The following C8orf34 variants were observed in gnomAD, a reference collection of about 807,000 sequenced individuals.
C8orf34 encodes uncharacterized protein C8orf34.
C8orf34 carries 65 observed loss-of-function variants against 68.3 expected under a neutral mutation model. That is an observed-to-expected ratio of 0.95 (90% CI 0.78 to 1.17). The LOEUF is 1.17. Among genes scored for constraint, C8orf34 ranks in the 50% most tolerant of loss-of-function variants. The pLI is 0.00. For missense variants in C8orf34, 664 were observed against 655.4 expected (o/e 1.01, Z -0.14); for synonymous variants, 244 against 241.2 (o/e 1.01, Z -0.11).
chr8:68,709,639 T>C (rs542123960), intron 9 of C8orf34, among the ~76,000 whole-genome samples: 3 of 152,318 alleles, frequency 2.0e-5, no homozygotes, highest in Non-Finnish European at 1.5e-5. Context: ...TAATACTGCC[T>C]GGTCTATGTG....
chr8:68,547,388 C>G (rs1225281515), intron 7 of C8orf34, among the ~76,000 whole-genome samples: 1 of 151,638 alleles, frequency 6.6e-6, no homozygotes, highest in Non-Finnish European at 1.5e-5. Context: ...AATTTGTAAG[C>G]AAAATGCTTC....
intron 1 of C8orf34, among the ~76,000 whole-genome samples, chr8:68,414,601 C>T (rs1273598972): frequency 8.0e-6 from 1 of 125,118 alleles, no homozygotes; most frequent in Non-Finnish European, 1.9e-5. Flanking sequence ...ACAGAGATGT[C>T]TAAGACATGC....
At chr8:68,445,539 GACC>G (rs1422646225) in intron 2 of C8orf34, among the ~76,000 whole-genome samples, 2 of 152,108 alleles carry the variant, frequency 1.3e-5, no homozygotes, top group East Asian at 3.9e-4. Flanking sequence ...GCAAGACAGT[GACC>G]ACCTTCTAAG....
chr8:68,694,348 AAG>A (rs1820767603), intron 8 of C8orf34, among the ~76,000 whole-genome samples: 1 of 152,140 alleles, frequency 6.6e-6, no homozygotes, highest in South Asian at 2.1e-4. Context: ...TTGGTTGAAA[AAG>A]AGTGTTTGCT....
At chr8:68,484,082 G>T (rs943216052) in intron 4 of C8orf34, among the ~76,000 whole-genome samples, 4 of 152,230 alleles carry the variant, frequency 2.6e-5, no homozygotes, top group African/African-American at 9.6e-5. Context: ...ATCTGCCTTT[G>T]GGGAGGCCTC....
chr8:68,642,553 C>T (rs1264232863), intron 8 of C8orf34, among the ~76,000 whole-genome samples: 1 of 152,208 alleles, frequency 6.6e-6, no homozygotes. Flanking sequence ...TTACTACTTA[C>T]AGCAATAACA....
rs187472913 is a variant in C8orf34 at position 68,509,513 on chromosome 8, T to A, written c.766-12286T>A. Among the ~76,000 whole-genome samples the A allele has an allele frequency of 9.7e-4, 143 of 147,198 alleles. No individual in the cohort carries two copies. In the East Asian group the frequency reaches 0.025, roughly 26 times the overall value. On this transcript the variant is annotated intron_variant, in intron 5 of 13. Coordinates refer to ENST00000518698, the MANE Select transcript of C8orf34 (RefSeq NM_052958.4). ...GCCAACCAATTTAAGACTTGGGAAA[T>A]TAACTTCTCCCAGTTTGGAGGATGC...
chr8:68,566,156 C>G (rs1816582243), intron 7 of C8orf34, among the ~76,000 whole-genome samples: 1 of 152,118 alleles, frequency 6.6e-6, no homozygotes, highest in Non-Finnish European at 1.5e-5. Context: ...ATATCAAACA[C>G]TTTTTAAAAA....
intron 7 of C8orf34, among the ~76,000 whole-genome samples, chr8:68,585,523 T>C (rs978858425): frequency 1.3e-5 from 2 of 152,190 alleles, no homozygotes; most frequent in Non-Finnish European, 2.9e-5. Context: ...TTATCTATGC[T>C]GCATAACAAA....
chr8:68,468,084 T>C (rs1812225735), intron 3 of C8orf34, among the ~76,000 whole-genome samples: 1 of 152,050 alleles, frequency 6.6e-6, no homozygotes, highest in Admixed American at 6.6e-5. Context: ...GGCATTCCTC[T>C]GTTCAGAGAC....
At chr8:68,459,397 T>C (rs1201876596) in intron 3 of C8orf34, among the ~76,000 whole-genome samples, 1 of 151,858 alleles carries the variant, frequency 6.6e-6, no homozygotes, top group Non-Finnish European at 1.5e-5. Flanking sequence ...GTCCAGCTAA[T>C]TTTTGTATTT....
At chr8:68,711,991 G>T (rs1821341632) in intron 9 of C8orf34, among the ~76,000 whole-genome samples, 1 of 152,156 alleles carries the variant, frequency 6.6e-6, no homozygotes, top group African/African-American at 2.4e-5. Context: ...AGATTTCTCA[G>T]CAGAAACCCT....
intron 6 of C8orf34, among the ~76,000 whole-genome samples, chr8:68,526,217 C>T (rs1420765590): frequency 6.6e-6 from 1 of 151,936 alleles, no homozygotes; most frequent in East Asian, 1.9e-4. Flanking sequence ...CATCTTGGCC[C>T]CAAAGTGCTG....
At chr8:68,342,620 G>A (rs1243736210) in intron 1 of C8orf34, among the ~76,000 whole-genome samples, 7 of 152,118 alleles carry the variant, frequency 4.6e-5, no homozygotes, top group Non-Finnish European at 7.3e-5. Context: ...GAGTAGCATT[G>A]TTAAGTCTAA....
intron 5 of C8orf34, among the ~76,000 whole-genome samples, chr8:68,520,485 C>T (rs1423945780): frequency 1.3e-5 from 2 of 152,140 alleles, no homozygotes; most frequent in Non-Finnish European, 2.9e-5. Context: ...CAGTCTTGCT[C>T]TGTTGCCCAG....
At chr8:68,348,465 T>A (rs899816104) in intron 1 of C8orf34, among the ~76,000 whole-genome samples, 1 of 152,108 alleles carries the variant, frequency 6.6e-6, no homozygotes, top group African/African-American at 2.4e-5. Flanking sequence ...TCGTTCCATA[T>A]GAATTTTAAA....
chr8:68,719,533 A>C (rs28624744), intron 9 of C8orf34, among the ~76,000 whole-genome samples: 15,895 of 151,984 alleles, frequency 0.1, 1,461 homozygotes, highest in African/African-American at 0.25. Context: ...TATTCAACTT[A>C]TTTTAAAAGC....
At chr8:68,590,187 G>A (rs1817344840) in intron 7 of C8orf34, among the ~76,000 whole-genome samples, 1 of 129,286 alleles carries the variant, frequency 7.7e-6, no homozygotes, top group Admixed American at 8.1e-5. Context: ...CAGGAAGAAA[G>A]GAAGAGAGAA....
Position 68,739,603 on chromosome 8 carries a change from A to G in C8orf34, c.1404+18166A>G, listed in dbSNP as rs554576653. On this transcript the variant is annotated intron_variant, in intron 10 of 13. Coordinates refer to ENST00000518698, the MANE Select transcript of C8orf34 (RefSeq NM_052958.4). ...AAGAAATCAGAGATGACACAAACAA[A>G]TGAAACAACACCCCAAGCTCATAGA... is the stretch of plus-strand genomic sequence containing the variant. Among the ~76,000 whole-genome samples, 26 of 152,324 alleles carry G rather than the reference A, an allele frequency of 1.7e-4. No individual in the cohort carries two copies. In the South Asian group the frequency reaches 5.2e-3, roughly 30 times the overall value.
Sources: allele counts gnomAD v4.1 joint callset (sites outside exome capture counted in the v4.1 genomes callset), GRCh38; gene constraint gnomAD v4.1.1; transcripts MANE v1.5; gene names NCBI Gene and HGNC (gene_info 2026-07-23, HGNC 2026-07-21).